Variants in OPN3 observed in about 807,000 individuals in gnomAD.
OPN3 encodes the protein opsin-3.
OPN3 carries 29 observed loss-of-function variants against 33.8 expected under a neutral mutation model. The observed-to-expected ratio is 0.86, with a 90% confidence interval of 0.64 to 1.17. OPN3 has a LOEUF of 1.17. OPN3 is among the 50% of genes most tolerant of loss of function. The pLI is 0.00. For missense variants in OPN3, 437 were observed against 514.1 expected (o/e 0.85, Z 1.45); for synonymous variants, 216 against 216.1 (o/e 1.00, Z 0.00).
At chr1:241,634,562 A>C in intron 1 of OPN3, 1 of 1,613,902 alleles carries the variant, frequency 6.2e-7, no homozygotes, top group East Asian at 2.2e-5. Flanking sequence ...TTTATGACGA[A>C]GACAATAGAT....
intron 1 of OPN3, among the ~76,000 whole-genome samples, chr1:241,638,044 C>T (rs1030067882): frequency 2.0e-5 from 3 of 152,198 alleles, no homozygotes; most frequent in Admixed American, 1.3e-4. Flanking sequence ...AAATCATCTT[C>T]GCTAAAAACT....
At chr1:241,619,456 C>T (rs957106728) in intron 1 of OPN3, among the ~76,000 whole-genome samples, 1 of 152,184 alleles carries the variant, frequency 6.6e-6, no homozygotes, top group African/African-American at 2.4e-5. Flanking sequence ...GCTTTTATCC[C>T]TCTTTACCTA....
chr1:241,629,254 G>A (rs1664522117), intron 1 of OPN3: 2 of 152,174 alleles, frequency 1.3e-5, no homozygotes, highest in South Asian at 4.2e-4. Context: ...GCCACTCAAA[G>A]TGAGTATGTC....
At chr1:241,606,587 A>AAAAT (rs1274997955) in intron 1 of OPN3, among the ~76,000 whole-genome samples, 2 of 128,610 alleles carry the variant, frequency 1.6e-5, no homozygotes, top group Non-Finnish European at 3.4e-5. Context: ...ATAAATAAAT[A>AAAAT]AAATAAATAA....
intron 1 of OPN3, among the ~76,000 whole-genome samples, chr1:241,612,396 CAGAT>C (rs765406346): frequency 6.6e-6 from 1 of 152,094 alleles, no homozygotes; most frequent in Admixed American, 6.5e-5. Flanking sequence ...TTTTTGTTCA[CAGAT>C]AGTAATGGAA....
intron 1 of OPN3, among the ~76,000 whole-genome samples, chr1:241,620,030 T>A (rs951596860): frequency 6.6e-6 from 1 of 150,938 alleles, no homozygotes; most frequent in African/African-American, 2.4e-5. Context: ...GACATACAGA[T>A]GTTAAGTGCC....
Position 241,635,727 on chromosome 1 carries a change from T to C in OPN3, c.373+4155A>G, listed in dbSNP as rs148500723. On this transcript the variant is annotated intron_variant, in intron 1 of 3. Transcript: ENST00000366554. ...ATGGATTCGGGCAAACCTGTCCCTA[T>C]TATAACCACATCAAACTCTGTGGGA... 699 of 1,613,558 alleles carry C rather than the reference T, an allele frequency of 4.3e-4. No homozygotes were observed. The highest frequency in any genetic ancestry group is 5.6e-4 in the Non-Finnish European group (666 of 1,179,740).
intron 1 of OPN3, chr1:241,635,722 C>T: frequency 1.2e-6 from 2 of 1,613,918 alleles, no homozygotes; most frequent in Non-Finnish European, 1.7e-6. Context: ...GCAAACCTGT[C>T]CCTATTATAA....
At chr1:241,629,733 C>G (rs917102358) in intron 1 of OPN3, 9 of 152,046 alleles carry the variant, frequency 5.9e-5, no homozygotes, top group Non-Finnish European at 1.2e-4. Flanking sequence ...TTTGGAATAT[C>G]ACATGTAAAG....
intron 1 of OPN3, among the ~76,000 whole-genome samples, chr1:241,614,601 C>A (rs1664074114): frequency 6.6e-6 from 1 of 152,240 alleles, no homozygotes; most frequent in Non-Finnish European, 1.5e-5. Context: ...GCCAGGCTTA[C>A]CTCCCCTCTG....
chr1:241,640,316 G>A lies in OPN3; in HGVS notation c.-62C>T. 1 of 1,096,754 alleles carries A rather than the reference G, an allele frequency of 9.1e-7. No individual in the cohort carries two copies. Among genetic ancestry groups the A allele is most frequent in the Non-Finnish European group, 1.1e-6 (1 of 905,374 alleles). The allele number at this position is 1,096,754 out of a possible 1,614,324, so 67.9% of individuals were successfully genotyped here. A position where few individuals can be genotyped will look rare whatever the true frequency, so the allele number is the denominator to read the frequency against. ...CAGCTTGCGGCGGGGCTCGCGGCGC[G>A]CTCCGCACTGGGTGGGGTTGGGGCT... is the stretch of plus-strand genomic sequence containing the variant. On this transcript the variant is annotated 5_prime_UTR_variant, in exon 1 of 4. Transcript: ENST00000366554.
intron 1 of OPN3, chr1:241,635,252 A>T (rs1374159432): frequency 6.2e-7 from 1 of 1,613,868 alleles, no homozygotes; most frequent in South Asian, 1.1e-5. Flanking sequence ...TGATTCCTCT[A>T]CATCAGTTAC....
chr1:241,622,910 G>A (rs1664306868), intron 1 of OPN3, among the ~76,000 whole-genome samples: 1 of 152,072 alleles, frequency 6.6e-6, no homozygotes, highest in African/African-American at 2.4e-5. Flanking sequence ...GAGGCCTGAA[G>A]CAATGTCATC....
intron 1 of OPN3, among the ~76,000 whole-genome samples, chr1:241,628,367 C>A (rs1437977790): frequency 6.6e-6 from 1 of 152,092 alleles, no homozygotes; most frequent in African/African-American, 2.4e-5. Context: ...CAATTCATAA[C>A]CCACAGTAGG....
At chr1:241,627,528 CA>C (rs1664454945) in intron 1 of OPN3, among the ~76,000 whole-genome samples, 1 of 152,142 alleles carries the variant, frequency 6.6e-6, no homozygotes, top group Non-Finnish European at 1.5e-5. Flanking sequence ...CTGAGGATCA[CA>C]TAAGAAAATG....
At chr1:241,610,104 G>A (rs1663950940) in intron 1 of OPN3, among the ~76,000 whole-genome samples, 1 of 152,322 alleles carries the variant, frequency 6.6e-6, no homozygotes, top group Admixed American at 6.5e-5. Flanking sequence ...TGAAGACAGC[G>A]GTCTGTAAAA....
chr1:241,623,105 A>AC (rs1321740791), intron 1 of OPN3, among the ~76,000 whole-genome samples: 3 of 151,616 alleles, frequency 2.0e-5, no homozygotes, highest in Non-Finnish European at 4.4e-5. Context: ...AAAACAAAAA[A>AC]AACAAACAAA....
chr1:241,640,202 G>T lies in OPN3; in HGVS notation c.53C>A (p.Ala18Asp). The T allele has an allele frequency of 7.3e-7, 1 of 1,364,350 alleles. No homozygotes were observed. The highest frequency in any genetic ancestry group is 9.4e-7 in the Non-Finnish European group (1 of 1,065,576). The allele number at this position is 1,364,350 out of a possible 1,614,324, so 84.5% of individuals were successfully genotyped here. A position where few individuals can be genotyped will look rare whatever the true frequency, so the allele number is the denominator to read the frequency against. The change falls in exon 1 of 4, where the codon GCC (alanine) becomes GAC (aspartate). Residue 18 changes from alanine (A) to aspartate (D), a missense_variant. Ala to Asp is a moderately radical substitution (Grantham distance 126, BLOSUM62 -2). Coordinates refer to ENST00000366554, the MANE Select transcript of OPN3 (RefSeq NM_014322.3). ...CGGCGCCGGCCCCTCAGCGCCCGCGGCCCCGCCGCCGTCCCAGTAGCCGTG... is the reference window on the plus strand; with the variant it reads ...CGGCGCCGGCCCCTCAGCGCCCGCGTCCCCGCCGCCGTCCCAGTAGCCGTG... ...GGHGYWDGGG[A>D]AGAEGPAPAG... is the part of the protein sequence containing the mutation.
chr1:241,625,978 AAAAGGCCAAACACTCTG>A (rs779642883), intron 1 of OPN3, among the ~76,000 whole-genome samples: 15 of 152,238 alleles, frequency 9.9e-5, no homozygotes, highest in Non-Finnish European at 2.1e-4. Context: ...CTTTGCCAAT[AAAAGGCCAAACACTCTG>A]GTTTAAAAAT....
Sources: allele counts gnomAD v4.1 joint callset (sites outside exome capture counted in the v4.1 genomes callset), GRCh38; gene constraint gnomAD v4.1.1; transcripts MANE v1.5; gene names NCBI Gene and HGNC (gene_info 2026-07-23, HGNC 2026-07-21).